KDM4A: variants seen among roughly 807,000 people sequenced by gnomAD.
KDM4A encodes the protein lysine-specific demethylase 4A.
KDM4A carries 23 observed loss-of-function variants against 127.1 expected under a neutral mutation model. The ratio of observed to expected loss-of-function variants is 0.18; its 90% CI spans 0.13 to 0.26. The LOEUF (loss-of-function observed/expected upper bound fraction) is 0.26, where lower values mean the gene tolerates loss of function less well. Ranked by LOEUF, KDM4A falls within the 10% of genes least tolerant of loss-of-function variation. The pLI is 1.00. For synonymous variants in KDM4A, 443 were observed against 466.5 expected, an observed-to-expected ratio of 0.95 and a Z score of 0.65; for missense variants, 890 against 1,329.1, an observed-to-expected ratio of 0.67 and a Z score of 5.14.
At chr1:43,653,419 G>T (rs918969472) in intron 2 of KDM4A, 106 bp downstream of exon 2, 3 of 1,159,608 alleles carry the variant, frequency 2.6e-6, no homozygotes, top group Admixed American at 5.0e-5. Context: ...GTTGGGTGGG[G>T]TGATGACTTT....
chr1:43,679,725 C>G lies in KDM4A; in HGVS notation c.1735-3959C>G, dbSNP rs533220623. ...CAGCCATATGTCTGCTGCAGAAGTT[C>G]TTGTTAGTTCAAGCTACTTTGAAAA... On this transcript the variant is annotated intron_variant, in intron 11 of 21. Coordinates refer to ENST00000372396, the MANE Select transcript of KDM4A (RefSeq NM_014663.3). Among the ~76,000 whole-genome samples, 5 of 152,292 alleles carry G rather than the reference C, an allele frequency of 3.3e-5. No homozygotes were observed. In the South Asian group the frequency reaches 1.0e-3, roughly 32 times the overall value.
chr1:43,700,769 C>T (rs745590379), intron 19 of KDM4A, among the ~76,000 whole-genome samples: 6 of 152,094 alleles, frequency 3.9e-5, no homozygotes, highest in Non-Finnish European at 7.4e-5. Flanking sequence ...GGTCAGTGAA[C>T]GTTTCATACT....
intron 10 of KDM4A, among the ~76,000 whole-genome samples, chr1:43,671,239 G>C (rs1660611375): frequency 6.6e-6 from 1 of 152,174 alleles, no homozygotes; most frequent in Non-Finnish European, 1.5e-5. Flanking sequence ...CTTACTGAGT[G>C]TCTGCTGAGT....
At chr1:43,687,616 T>C (rs1027635839) in intron 12 of KDM4A, among the ~76,000 whole-genome samples, 3 of 152,332 alleles carry the variant, frequency 2.0e-5, no homozygotes, top group Admixed American at 2.0e-4. Context: ...GAGAAACATT[T>C]TGGACATCTA....
intron 5 of KDM4A, 117 bp from the exon 6 acceptor site, chr1:43,665,579 T>C (rs572368871): frequency 2.4e-6 from 2 of 823,004 alleles, no homozygotes; most frequent in South Asian, 1.5e-5. Context: ...TCCTTTCTAC[T>C]GCTTGGGAAG....
At chr1:43,667,628 C>T (rs618678) in intron 8 of KDM4A, 144 bp from the exon 9 acceptor site, 311,179 of 1,013,348 alleles carry the variant, frequency 0.31, 50,015 homozygotes, top group African/African-American at 0.34. Flanking sequence ...GCAAGGATAA[C>T]ATGCCCTCAG....
chr1:43,657,433 C>T (rs1447358319), intron 3 of KDM4A, among the ~76,000 whole-genome samples: 1 of 151,890 alleles, frequency 6.6e-6, no homozygotes, highest in African/African-American at 2.4e-5. Context: ...GATCTCTTGA[C>T]CTCGTGATCC....
At chr1:43,661,970 C>T (rs1660393023) in intron 4 of KDM4A, among the ~76,000 whole-genome samples, 1 of 152,180 alleles carries the variant, frequency 6.6e-6, no homozygotes, top group South Asian at 2.1e-4. Flanking sequence ...TCATAGATTA[C>T]TGTAACCTCA....
At chr1:43,689,910 A>G (rs1017814805) in intron 13 of KDM4A, among the ~76,000 whole-genome samples, 2 of 152,208 alleles carry the variant, frequency 1.3e-5, no homozygotes, top group African/African-American at 4.8e-5. Context: ...CAAAAAGCAA[A>G]ACCAAAGCCT....
chr1:43,666,237 G>A (rs1274996260), intron 6 of KDM4A: 3 of 518,840 alleles, frequency 5.8e-6, no homozygotes, highest in African/African-American at 5.8e-5. Context: ...TTCCCAAACA[G>A]GATTTCATTA....
At chr1:43,657,750 C>CTTTTT (rs140666245) in intron 3 of KDM4A, among the ~76,000 whole-genome samples, 146 of 116,412 alleles carry the variant, frequency 1.3e-3, no homozygotes, top group Non-Finnish European at 1.9e-3. Flanking sequence ...TTTTTCTTTT[C>CTTTTT]TTTTTTTTTT....
At chr1:43,697,802 A>C (rs746801299) in intron 18 of KDM4A, 41 bp from the exon 19 acceptor site, 9 of 1,586,154 alleles carry the variant, frequency 5.7e-6, no homozygotes, top group Non-Finnish European at 7.7e-6. Flanking sequence ...CAGGCCTGCA[A>C]ACTCCACGTG....
In KDM4A at chr1:43,694,093, C is replaced by T; in HGVS notation, c.2475C>T (p.Arg825=). 2 of 1,612,980 alleles carry T rather than the reference C, an allele frequency of 1.2e-6. No individual in the cohort carries two copies. Among genetic ancestry groups the T allele is most frequent in the Non-Finnish European group, 1.7e-6 (2 of 1,178,920 alleles). The part of the protein sequence containing the change: ...PVDVSKIPLP[R]FKLKCIFCKK... The stretch of plus-strand genomic sequence containing the variant: ...ATGTGAGCAAAATCCCCCTGCCCCG[C>T]TTCAAACTGGTAAGGGCTTGTAGAC... The change falls in exon 17 of 22, where the codon CGC becomes CGT. Residue 825 remains arginine (R), a synonymous_variant. Transcript: ENST00000372396. This position sits in a 1 kb window ranked among gnomAD's most constrained non-coding sequence, Gnocchi z 5.2.
At chr1:43,659,750 C>T (rs879295589) in intron 3 of KDM4A, among the ~76,000 whole-genome samples, 9 of 152,276 alleles carry the variant, frequency 5.9e-5, no homozygotes, top group Admixed American at 5.2e-4. Context: ...TATATTTTTA[C>T]TAAAATATTT....
chr1:43,681,799 C>CT (rs1660865548), intron 11 of KDM4A, among the ~76,000 whole-genome samples: 1 of 152,086 alleles, frequency 6.6e-6, no homozygotes, highest in African/African-American at 2.4e-5. Context: ...CTTTTATAGT[C>CT]TGTTTTTGCT....
chr1:43,664,359 G>T (rs915528510), intron 5 of KDM4A, among the ~76,000 whole-genome samples: 1 of 152,168 alleles, frequency 6.6e-6, no homozygotes, highest in African/African-American at 2.4e-5. Context: ...CTGAAGTCAG[G>T]AGTTGGAGAC....
intron 11 of KDM4A, among the ~76,000 whole-genome samples, chr1:43,676,330 A>AT (rs991679014): frequency 1.3e-5 from 2 of 150,922 alleles, no homozygotes; most frequent in African/African-American, 4.9e-5. Context: ...CCCACAAATA[A>AT]TTTTTTTTTG....
At chr1:43,671,426 G>A (rs150204259) in intron 10 of KDM4A, 79 bp from the exon 11 acceptor site, 13 of 1,446,938 alleles carry the variant, frequency 9.0e-6, no homozygotes, top group Middle Eastern at 1.9e-4. Context: ...CATGTTCCTT[G>A]TGCTTTGCCC....
chr1:43,703,746 G>A lies in KDM4A; in HGVS notation c.2961+10G>A, dbSNP rs75989068. The A allele has an allele frequency of 4.3e-3, 6,985 of 1,613,914 alleles. 281 individuals carry two copies. In the African/African-American group the frequency reaches 0.082, roughly 19 times the overall value. On this transcript the variant is annotated intron_variant, in intron 20 of 21. Coordinates refer to ENST00000372396, the MANE Select transcript of KDM4A (RefSeq NM_014663.3). ...TATCCAAATGTACCAGGTATCCAAA[G>A]TTCTACCTTTCTAGGGAGTGGGGGG...
Sources: allele counts gnomAD v4.1 joint callset (sites outside exome capture counted in the v4.1 genomes callset), GRCh38; gene constraint gnomAD v4.1.1; non-coding constraint Gnocchi (gnomAD v3.1); transcripts MANE v1.5; gene names NCBI Gene and HGNC (gene_info 2026-07-23, HGNC 2026-07-21).